The following PSD3 variants were observed in gnomAD, a reference collection of about 807,000 sequenced individuals.
PSD3 encodes the protein pleckstrin and Sec7 domain containing 3.
PSD3 carries 49 observed loss-of-function variants against 105.5 expected under a neutral mutation model. The observed-to-expected ratio is 0.46, with a 90% confidence interval of 0.37 to 0.59. PSD3 has a LOEUF of 0.59. Among genes scored for constraint, PSD3 ranks in the 20% least tolerant of loss-of-function variants. The pLI, the probability that PSD3 is intolerant of heterozygous loss-of-function variation, is 0.00. For synonymous variants in PSD3, 557 were observed against 457.8 expected (o/e 1.22, Z -2.77); for missense variants, 1,561 against 1,263.8 (o/e 1.24, Z -3.57).
intron 14 of PSD3, among the ~76,000 whole-genome samples, chr8:18,556,792 T>C (rs73209801): frequency 0.095 from 14,475 of 152,312 alleles, 800 homozygotes; most frequent in South Asian, 0.19. Context: ...TAATTGTCTA[T>C]GTGCATATTT....
intron 9 of PSD3, among the ~76,000 whole-genome samples, chr8:18,690,636 C>T (rs1373225253): frequency 6.6e-6 from 1 of 152,188 alleles, no homozygotes; most frequent in East Asian, 1.9e-4. Context: ...GCACCAGAAC[C>T]CTGCTGCCAT....
intron 12 of PSD3, among the ~76,000 whole-genome samples, chr8:18,591,995 A>C (rs1344760479): frequency 6.6e-6 from 1 of 152,170 alleles, no homozygotes; most frequent in Non-Finnish European, 1.5e-5. Flanking sequence ...TGATTCTTCA[A>C]ATGTGCAGAT....
chr8:18,971,588 G>A (rs1011545118), intron 1 of PSD3, among the ~76,000 whole-genome samples: 1 of 152,194 alleles, frequency 6.6e-6, no homozygotes, highest in Non-Finnish European at 1.5e-5. Context: ...CAAGGAGTTT[G>A]AGTCCCGCCT....
intron 4 of PSD3, among the ~76,000 whole-genome samples, chr8:18,805,744 A>C (rs1015970808): frequency 1.3e-5 from 2 of 152,202 alleles, no homozygotes; most frequent in African/African-American, 2.4e-5. Flanking sequence ...CACTAATGTC[A>C]CCATTAATGA....
chr8:19,020,188 C>G (rs1247822216), intron 1 of PSD3, among the ~76,000 whole-genome samples: 2 of 151,968 alleles, frequency 1.3e-5, no homozygotes, highest in Non-Finnish European at 2.9e-5. Flanking sequence ...CTTGGGAAGA[C>G]AGAAAATAAG....
chr8:18,613,524 C>A (rs891685512), intron 11 of PSD3, among the ~76,000 whole-genome samples: 2 of 151,592 alleles, frequency 1.3e-5, no homozygotes, highest in Non-Finnish European at 2.9e-5. Context: ...CTTTCCTGGT[C>A]GTGTGACAAG....
chr8:18,844,003 C>A (rs1255715981), intron 4 of PSD3, among the ~76,000 whole-genome samples: 1 of 144,806 alleles, frequency 6.9e-6, no homozygotes, highest in Non-Finnish European at 1.5e-5. Flanking sequence ...TTTAAAAAAA[C>A]AAGGTTAACC....
chr8:18,636,597 G>C (rs1448321806), intron 10 of PSD3, among the ~76,000 whole-genome samples: 1 of 152,140 alleles, frequency 6.6e-6, no homozygotes, highest in Non-Finnish European at 1.5e-5. Flanking sequence ...GACCCACCCA[G>C]AGCAACTTCC....
At chr8:18,684,559 T>C (rs992508486) in intron 9 of PSD3, among the ~76,000 whole-genome samples, 1 of 152,222 alleles carries the variant, frequency 6.6e-6, no homozygotes, top group African/African-American at 2.4e-5. Flanking sequence ...TTTTCCTTTC[T>C]TTCCCGTTTC....
intron 1 of PSD3, among the ~76,000 whole-genome samples, chr8:18,994,520 AC>A (rs1323658333): frequency 2.0e-5 from 3 of 152,104 alleles, no homozygotes; most frequent in Non-Finnish European, 4.4e-5. Context: ...GCTGTCTAAT[AC>A]GACAGTCACA....
chr8:19,033,094 C>G (rs78969056), intron 1 of PSD3, among the ~76,000 whole-genome samples: 14,191 of 151,912 alleles, frequency 0.093, 721 homozygotes, highest in African/African-American at 0.13. Flanking sequence ...TCAAAACAAA[C>G]AAACAAACAA....
Position 18,831,291 on chromosome 8 carries a change from A to G in PSD3, c.1635-26393T>C, listed in dbSNP as rs111974623. Among the ~76,000 whole-genome samples the G allele has an allele frequency of 3.8e-3, 579 of 152,344 alleles. 2 individuals carry two copies. Among genetic ancestry groups the G allele is most frequent in the African/African-American group, 0.013 (535 of 41,578 alleles). On this transcript the variant is annotated intron_variant, in intron 4 of 15. Transcript: ENST00000327040. ...CTCTAGAATGGCTCTGAACTTAAGT[A>G]TAGTACCACCTAACTCAATGTACCA... is the stretch of plus-strand genomic sequence containing the variant.
At position 19,050,386 on chromosome 8, in the gene PSD3, C is replaced by T. The variant is rs555055683; in HGVS notation, c.324+33820G>A. Among the ~76,000 whole-genome samples, 5 of 152,218 alleles carry T rather than the reference C, an allele frequency of 3.3e-5. No homozygotes were observed. The East Asian group carries it at 5.8e-4, about 18-fold the overall frequency. ...ATGCTGCTATAAAGACACATGCACA[C>T]GTATGTTTATTGCAGCACTATTCAC... On this transcript the variant is annotated intron_variant, in intron 1 of 1. Transcript: ENST00000521475.
At chr8:18,982,814 A>G in intron 1 of PSD3, among the ~76,000 whole-genome samples, 1 of 152,348 alleles carries the variant, frequency 6.6e-6, no homozygotes, top group Admixed American at 6.5e-5. Flanking sequence ...GAGCACAAGT[A>G]GAGTAGATCT....
In PSD3 at chr8:18,573,889, A is replaced by T. The variant is rs1464114772; in HGVS notation, c.2640-1217T>A. On this transcript the variant is annotated intron_variant, in intron 13 of 15. Coordinates refer to ENST00000327040, the MANE Select transcript of PSD3 (RefSeq NM_015310.4). ...GTGATGGCTGAGCCATTCTGTAAAT[A>T]TGCTAAAAAAATCACTGAAATGTAC... is the stretch of plus-strand genomic sequence containing the variant. 3.9e-5 allele frequency among the ~76,000 whole-genome samples: 6 copies of T among 152,272 alleles called. No individual in the cohort carries two copies. The South Asian group carries it at 6.2e-4, about 16-fold the overall frequency.
intron 1 of PSD3, among the ~76,000 whole-genome samples, chr8:19,076,105 T>TAA (rs11390417): frequency 6.6e-6 from 1 of 151,850 alleles, no homozygotes; most frequent in Non-Finnish European, 1.5e-5. Flanking sequence ...ATGCTCTCAA[T>TAA]AAAAATACGG....
chr8:18,764,228 T>A (rs116009346), intron 9 of PSD3, among the ~76,000 whole-genome samples: 61 of 152,316 alleles, frequency 4.0e-4, no homozygotes, highest in African/African-American at 1.4e-3. Flanking sequence ...AGAGACTCCA[T>A]AATTTTCCAT....
chr8:19,028,636 T>C (rs769168944), intron 1 of PSD3, among the ~76,000 whole-genome samples: 1 of 152,224 alleles, frequency 6.6e-6, no homozygotes, highest in Non-Finnish European at 1.5e-5. Context: ...TCCCTGGCTT[T>C]GGCTTGCCAT....
intron 9 of PSD3, among the ~76,000 whole-genome samples, chr8:18,745,819 G>A (rs972023964): frequency 1.3e-5 from 2 of 152,178 alleles, no homozygotes; most frequent in Non-Finnish European, 2.9e-5. Context: ...AAGTTCATAT[G>A]AATAACGTCA....
Sources: gnomAD v4.1 joint callset for allele counts (sites outside exome capture counted in the v4.1 genomes callset) on GRCh38, gnomAD v4.1.1 for gene constraint, MANE v1.5 for transcripts, NCBI Gene and HGNC (gene_info 2026-07-23, HGNC 2026-07-21) for gene names.